FGF14: variants seen among roughly 807,000 people sequenced by gnomAD.
FGF14 encodes fibroblast growth factor 14, also known as fibroblast growth factor homologous factor 4.
FGF14 carries 5 observed loss-of-function variants against 25.5 expected under a neutral mutation model. The ratio of observed to expected loss-of-function variants is 0.20; its 90% CI spans 0.10 to 0.41. The LOEUF (loss-of-function observed/expected upper bound fraction) is 0.41, where lower values mean the gene tolerates loss of function less well. Among genes scored for constraint, FGF14 ranks in the 10% least tolerant of loss-of-function variants. FGF14 has a pLI of 1.00. For missense variants in FGF14, 222 were observed against 320.1 expected, an observed-to-expected ratio of 0.69 and a Z score of 2.34; for synonymous variants, 138 against 118.3, an observed-to-expected ratio of 1.17 and a Z score of -1.08.
intron 1 of FGF14, among the ~76,000 whole-genome samples, chr13:101,878,095 A>T (rs146669883): frequency 6.6e-6 from 1 of 152,266 alleles, no homozygotes; most frequent in Non-Finnish European, 1.5e-5. Context: ...GCCCTATCTT[A>T]TCTGATGGCT....
intron 1 of FGF14, among the ~76,000 whole-genome samples, chr13:102,068,583 G>T (rs2043005044): frequency 6.6e-6 from 1 of 152,226 alleles, no homozygotes; most frequent in Admixed American, 6.5e-5. Flanking sequence ...GGCCGGCCCT[G>T]CCAGCCCCGG....
chr13:101,714,625 G>A lies in FGF14; in HGVS notation c.*8206C>T, dbSNP rs375294957. ...AGCCAAGAGACACTCGTCATGCAAT[G>A]CTTTAGGTGGCTGGACCAACAGGGC... On this transcript the variant is annotated 3_prime_UTR_variant, in exon 5 of 5. Transcript: ENST00000376143. 3.3e-5 allele frequency: 30 copies of A among 904,244 alleles called. No individual in the cohort carries two copies. The highest frequency in any genetic ancestry group is 1.2e-4 in the East Asian group (5 of 41,320). The allele number at this position is 904,244 out of a possible 1,614,324, so 56.0% of individuals were successfully genotyped here. A position where few individuals can be genotyped will look rare whatever the true frequency, so the allele number is the denominator to read the frequency against.
intron 1 of FGF14, among the ~76,000 whole-genome samples, chr13:101,991,072 A>C (rs980585306): frequency 4.6e-5 from 7 of 152,034 alleles, no homozygotes; most frequent in Non-Finnish European, 8.8e-5. Flanking sequence ...CAGTTGAAAA[A>C]CTTGTTTTGT....
intron 4 of FGF14, among the ~76,000 whole-genome samples, chr13:101,726,217 T>C (rs2035419453): frequency 1.3e-5 from 2 of 152,110 alleles, no homozygotes. Flanking sequence ...GATTCCACGC[T>C]CAAAACTTAT....
intron 3 of FGF14, chr13:101,802,269 C>T: frequency 4.3e-6 from 1 of 232,662 alleles, no homozygotes; most frequent in Non-Finnish European, 8.7e-6. Flanking sequence ...CAGGACAAAG[C>T]AGACTGACAT....
At chr13:101,853,196 C>T (rs777695773) in intron 3 of FGF14, among the ~76,000 whole-genome samples, 71 of 151,954 alleles carry the variant, frequency 4.7e-4, no homozygotes, top group Admixed American at 5.9e-4. Context: ...AATCTTGGCC[C>T]GCCACCTTGT....
At chr13:101,808,400 T>C (rs537440332) in intron 3 of FGF14, among the ~76,000 whole-genome samples, 37 of 152,230 alleles carry the variant, frequency 2.4e-4, no homozygotes, top group Admixed American at 4.6e-4. Context: ...AAATGAAATG[T>C]GCATTAATTA....
At position 101,962,420 on chromosome 13, in the gene FGF14, CTCTTT is replaced by C. The variant is rs1566500222; in HGVS notation, c.209-87129_209-87125del. Among the ~76,000 whole-genome samples the C allele has an allele frequency of 5.3e-5, 8 of 152,186 alleles. No individual in the cohort carries two copies. The South Asian group carries it at 1.2e-3, about 24-fold the overall frequency. On this transcript the variant is annotated intron_variant, in intron 1 of 4. Transcript: ENST00000376131. ...TGCACATTGATTTTGTATCCTGTCT[CTCTTT>C]TCTTAATCAGATTATAATTTTGATA... is the stretch of plus-strand genomic sequence containing the variant.
intron 1 of FGF14, among the ~76,000 whole-genome samples, chr13:102,383,008 T>C (rs1196753539): frequency 6.6e-6 from 1 of 152,088 alleles, no homozygotes; most frequent in East Asian, 1.9e-4. Context: ...GATGAAAATA[T>C]TCTAGAATTG....
chr13:102,329,012 G>T (rs890488393), intron 1 of FGF14, among the ~76,000 whole-genome samples: 1 of 152,114 alleles, frequency 6.6e-6, no homozygotes. Flanking sequence ...AGGAGTTCCA[G>T]TTCGTTCCTG....
intron 3 of FGF14, among the ~76,000 whole-genome samples, chr13:101,759,412 G>A (rs78027326): frequency 0.021 from 3,270 of 152,238 alleles, 132 homozygotes; most frequent in African/African-American, 0.075. Context: ...AGCAGTTAGC[G>A]GAGGTGGGGC....
chr13:102,276,351 G>GTATATATA (rs1291212131), intron 1 of FGF14, among the ~76,000 whole-genome samples: 31 of 41,650 alleles, frequency 7.4e-4, no homozygotes, highest in African/African-American at 1.9e-3. Context: ...GTGTGTGTGT[G>GTATATATA]TGTATATATA....
intron 3 of FGF14, among the ~76,000 whole-genome samples, chr13:101,745,960 T>C (rs971130153): frequency 6.6e-6 from 1 of 152,052 alleles, no homozygotes; most frequent in Non-Finnish European, 1.5e-5. Context: ...GATTCATTTA[T>C]AGTGTCCTAG....
intron 1 of FGF14, among the ~76,000 whole-genome samples, chr13:101,998,439 G>C (rs1202379493): frequency 6.6e-6 from 1 of 152,210 alleles, no homozygotes; most frequent in Non-Finnish European, 1.5e-5. Context: ...CTTTGGGAGA[G>C]AATGGGGTGC....
intron 1 of FGF14, among the ~76,000 whole-genome samples, chr13:102,001,846 G>T (rs2039513709): frequency 6.6e-6 from 1 of 152,196 alleles, no homozygotes; most frequent in African/African-American, 2.4e-5. Flanking sequence ...AGAGCAAAAA[G>T]ATTAATTCCA....
At chr13:102,112,417 C>T (rs919451343) in intron 1 of FGF14, among the ~76,000 whole-genome samples, 1 of 152,190 alleles carries the variant, frequency 6.6e-6, no homozygotes, top group Non-Finnish European at 1.5e-5. Context: ...ATCCGAGTCA[C>T]TTCTCACGCA....
At chr13:101,916,375 G>T in intron 1 of FGF14, 78 bp downstream of exon 1, 1 of 1,543,936 alleles carries the variant, frequency 6.5e-7, no homozygotes, top group Non-Finnish European at 8.9e-7. Flanking sequence ...CCGAGGGAGG[G>T]AAGGAGCCTG....
rs181068389 is a variant in FGF14, at chr13:102,139,832, C to T, written c.208+261639G>A. Among the ~76,000 whole-genome samples, 246 of 152,330 alleles carry T rather than the reference C, an allele frequency of 1.6e-3. 4 individuals are homozygous for T. The highest frequency in any genetic ancestry group is 2.5e-3 in the Non-Finnish European group (170 of 68,030). Reference sequence around the variant, plus strand: ...AGAGCTATGGGAACAAATTCACCCACTCAACCCCTCCCCTGCCAGCCTGCT... The same window carrying T: ...AGAGCTATGGGAACAAATTCACCCATTCAACCCCTCCCCTGCCAGCCTGCT... On this transcript the variant is annotated intron_variant, in intron 1 of 4. Transcript: ENST00000376131.
chr13:102,092,227 A>G (rs2044197480), intron 1 of FGF14, among the ~76,000 whole-genome samples: 1 of 152,334 alleles, frequency 6.6e-6, no homozygotes, highest in African/African-American at 2.4e-5. Flanking sequence ...AATGGGGGAA[A>G]ATACACTTTG....
Sources: allele counts gnomAD v4.1 joint callset (sites outside exome capture counted in the v4.1 genomes callset), GRCh38; gene constraint gnomAD v4.1.1; transcripts MANE v1.5; gene names NCBI Gene and HGNC (gene_info 2026-07-23, HGNC 2026-07-21).